The following SAMMSON variants were observed in gnomAD, a reference collection of about 807,000 sequenced individuals.
SAMMSON encodes the protein long intergenic non-protein coding RNA 1212.
At chr3:70,103,059 T>C (rs73105941) in intron 4 of SAMMSON, among the ~76,000 whole-genome samples, 2 of 151,952 alleles carry the variant, frequency 1.3e-5, no homozygotes, top group African/African-American at 2.4e-5. Context: ...CAGGCCAAGG[T>C]TGGCACTTGA....
chr3:70,401,521 A>C (rs1275759938), intron 2 of SAMMSON, among the ~76,000 whole-genome samples: 1 of 152,242 alleles, frequency 6.6e-6, no homozygotes, highest in East Asian at 1.9e-4. Flanking sequence ...ATGAAAATGA[A>C]GTATAAGTAC....
At chr3:70,167,528 A>G (rs1017085066) in intron 4 of SAMMSON, among the ~76,000 whole-genome samples, 3 of 152,070 alleles carry the variant, frequency 2.0e-5, no homozygotes, top group East Asian at 1.9e-4. Flanking sequence ...AGTGATTTTT[A>G]TCACTAGAAG....
At chr3:70,180,585 T>A (rs917552514) in intron 4 of SAMMSON, among the ~76,000 whole-genome samples, 1 of 152,146 alleles carries the variant, frequency 6.6e-6, no homozygotes, top group Non-Finnish European at 1.5e-5. Flanking sequence ...TAAACCAGAA[T>A]CTCCTTGAAT....
intron 7 of SAMMSON, among the ~76,000 whole-genome samples, chr3:70,336,742 T>C (rs970152937): frequency 6.6e-6 from 1 of 151,722 alleles, no homozygotes; most frequent in Non-Finnish European, 1.5e-5. Context: ...CCATACTTAA[T>C]GTATCCTCTC....
intron 7 of SAMMSON, among the ~76,000 whole-genome samples, chr3:70,344,300 C>G (rs1702733406): frequency 6.6e-6 from 1 of 152,022 alleles, no homozygotes; most frequent in East Asian, 1.9e-4. Context: ...AATTGCGGGC[C>G]AGAGAAAGAG....
intron 4 of SAMMSON, among the ~76,000 whole-genome samples, chr3:70,092,651 T>C (rs1474985998): frequency 6.6e-6 from 1 of 152,136 alleles, no homozygotes; most frequent in Non-Finnish European, 1.5e-5. Flanking sequence ...ACTCGTTCTG[T>C]ATTCTGTTCA....
rs151291884 is a variant in SAMMSON at position 70,059,062 on chromosome 3, G to A, written n.418-12414G>A. ...AGTTCCAGAGCCTGGGCTATATCTGGTCTCTATTTTTTCTAACAAGGAGCT... is the reference window on the plus strand; with the variant it reads ...AGTTCCAGAGCCTGGGCTATATCTGATCTCTATTTTTTCTAACAAGGAGCT... On this transcript the variant is annotated intron_variant and non_coding_transcript_variant, in intron 3 of 9. Coordinates refer to ENST00000642114, the Ensembl canonical transcript of SAMMSON. 2.1e-3 allele frequency among the ~76,000 whole-genome samples: 313 copies of A among 152,102 alleles called. 2 individuals are homozygous for A. Among genetic ancestry groups the A allele is most frequent in the African/African-American group, 7.3e-3 (301 of 41,506 alleles).
At chr3:70,087,734 A>C (rs2067290890) in intron 4 of SAMMSON, among the ~76,000 whole-genome samples, 1 of 152,206 alleles carries the variant, frequency 6.6e-6, no homozygotes, top group Non-Finnish European at 1.5e-5. Flanking sequence ...TGTGCCAAGA[A>C]TGATCAGAAG....
In SAMMSON at chr3:70,123,685, CT is replaced by C. The variant is rs530880382; in HGVS notation, n.507+52121del. Among the ~76,000 whole-genome samples the C allele has an allele frequency of 1.7e-3, 255 of 152,354 alleles. 2 individuals are homozygous for C. The highest frequency in any genetic ancestry group is 5.9e-3 in the African/African-American group (244 of 41,580). On this transcript the variant is annotated intron_variant and non_coding_transcript_variant, in intron 4 of 9. Coordinates refer to ENST00000642114, the Ensembl canonical transcript of SAMMSON. ...GGGAATAGTTTACATGGCTTTGTCA[CT>C]GCTCACATGTCACCTGGGCAGGGAA...
intron 9 of SAMMSON, among the ~76,000 whole-genome samples, chr3:70,374,192 G>A (rs919887119): frequency 5.3e-5 from 8 of 152,192 alleles, no homozygotes; most frequent in Admixed American, 3.9e-4. Flanking sequence ...GAGATTACAG[G>A]TGTGAGCCAA....
At chr3:70,351,580 G>C (rs558527982) in intron 7 of SAMMSON, among the ~76,000 whole-genome samples, 1 of 151,954 alleles carries the variant, frequency 6.6e-6, no homozygotes, top group Non-Finnish European at 1.5e-5. Context: ...AGAAATTATG[G>C]GAGTTGAGAA....
At chr3:70,323,652 A>G (rs969959133) in intron 7 of SAMMSON, among the ~76,000 whole-genome samples, 35 of 152,050 alleles carry the variant, frequency 2.3e-4, no homozygotes, top group Admixed American at 3.9e-4. Flanking sequence ...TTTGTGGGAG[A>G]TTTGAAAGAC....
At chr3:70,101,307 A>G (rs2106654382) in intron 4 of SAMMSON, among the ~76,000 whole-genome samples, 1 of 152,334 alleles carries the variant, frequency 6.6e-6, no homozygotes, top group Non-Finnish European at 1.5e-5. Context: ...GGATGGAAGA[A>G]GTAAACACAT....
chr3:70,163,354 T>TATATAG (rs570562417), intron 4 of SAMMSON, among the ~76,000 whole-genome samples: 6 of 148,022 alleles, frequency 4.1e-5, no homozygotes, highest in Admixed American at 2.0e-4. Flanking sequence ...TATATATATA[T>TATATAG]AGAGAGAGAG....
At chr3:70,174,263 C>T (rs1700988896) in intron 4 of SAMMSON, among the ~76,000 whole-genome samples, 1 of 151,888 alleles carries the variant, frequency 6.6e-6, no homozygotes, top group Non-Finnish European at 1.5e-5. Flanking sequence ...ATTGTTTGTA[C>T]TAGGAAACTG....
At chr3:70,381,561 C>A (rs1309689603) in intron 9 of SAMMSON, among the ~76,000 whole-genome samples, 1 of 152,108 alleles carries the variant, frequency 6.6e-6, no homozygotes, top group African/African-American at 2.4e-5. Flanking sequence ...AATGAGACAA[C>A]CAGATTTTAT....
At chr3:70,261,954 C>T (rs187995727) in intron 6 of SAMMSON, among the ~76,000 whole-genome samples, 51 of 152,228 alleles carry the variant, frequency 3.4e-4, no homozygotes, top group African/African-American at 1.2e-3. Flanking sequence ...TGAACTCTGC[C>T]CTGCCAGCAC....
In SAMMSON at chr3:70,429,776, G is replaced by A. The variant is rs558164113; in HGVS notation, n.234-32784G>A. 7.2e-5 allele frequency among the ~76,000 whole-genome samples: 11 copies of A among 152,210 alleles called. 1 individual carries two copies. Among genetic ancestry groups the A allele is most frequent in the Middle Eastern group, 6.8e-3 (2 of 294 alleles). On this transcript the variant is annotated intron_variant and non_coding_transcript_variant, in intron 2 of 3. Coordinates refer to the SAMMSON transcript ENST00000641053. ...TGATTTGGCTCTCTGTCTACTACTGGTGTATAGGAATGCTTGTGATTTTTT... is the reference window on the plus strand; with the variant it reads ...TGATTTGGCTCTCTGTCTACTACTGATGTATAGGAATGCTTGTGATTTTTT...
chr3:70,113,578 G>A (rs1273285412), intron 4 of SAMMSON, among the ~76,000 whole-genome samples: 1 of 152,166 alleles, frequency 6.6e-6, no homozygotes, highest in South Asian at 2.1e-4. Flanking sequence ...ACTTAGTCCA[G>A]CACACTCATA....
Sources: gnomAD v4.1 joint callset for allele counts (sites outside exome capture counted in the v4.1 genomes callset) on GRCh38, gnomAD v4.1.1 for gene constraint, MANE v1.5 for transcripts, NCBI Gene and HGNC (gene_info 2026-07-23, HGNC 2026-07-21) for gene names.